Variants in CA12 observed in about 807,000 individuals in gnomAD.
CA12 encodes the protein carbonate dehydratase XII.
A neutral mutation model predicts 46.8 loss-of-function variants in CA12; 36 were observed. The observed-to-expected ratio is 0.77, with a 90% CI of 0.59 to 1.02. The LOEUF is 1.02. Ranked by LOEUF, CA12 falls within the 50% of genes least tolerant of loss-of-function variation. The pLI is 0.00. For missense variants in CA12, 436 were observed against 451.4 expected (o/e 0.97, Z 0.31); for synonymous variants, 202 against 187.0 (o/e 1.08, Z -0.65).
Position 63,327,179 on chromosome 15 carries a change from A to G in CA12, c.962T>C (p.Val321Ala), listed in dbSNP as rs571042409. The G allele has an allele frequency of 1.2e-6, 2 of 1,614,058 alleles. No individual in the cohort carries two copies. Among genetic ancestry groups the G allele is most frequent in the African/African-American group, 2.7e-5 (2 of 75,028 alleles). The change falls in exon 10 of 11, where the codon GTG becomes GCG. Residue 321 changes from valine to alanine, a missense_variant. Val to Ala is a moderately conservative substitution (Grantham distance 64). Coordinates refer to ENST00000178638, the MANE Select transcript of CA12 (RefSeq NM_001218.5). This position sits in a 1 kb window ranked among gnomAD's most constrained non-coding sequence, Gnocchi z 4.5. The part of the protein sequence containing the change: ...AGILGICIVV[V>A]VSIWLFRRKS... ...CCTTCTGAAAAGCCAAATGGACACCACCACCACAATACAGATGCCAAGAAT... is the reference window on the plus strand; with the variant it reads ...CCTTCTGAAAAGCCAAATGGACACCGCCACCACAATACAGATGCCAAGAAT...
Position 63,340,737 on chromosome 15 carries a change from T to G in CA12, c.572A>C (p.Gln191Pro). ...CCCCTCACCTTTGTACTTTACATGT[T>G]GAAGGTGACTGAAGATCTTGTCATA... ...PSYDKIFSHL[Q>P]HVKYKGQEAF... The change falls in exon 6 of 11, where the codon CAA (glutamine) becomes CCA (proline). Residue 191 changes from glutamine (Q) to proline (P), a missense_variant. Gln to Pro is a moderately conservative substitution (Grantham distance 76). Coordinates refer to ENST00000178638, the MANE Select transcript of CA12 (RefSeq NM_001218.5). This position sits in a 1 kb window ranked among gnomAD's most constrained non-coding sequence, Gnocchi z 4.4. 6.2e-7 allele frequency: 1 copy of G among 1,614,134 alleles called. No homozygotes were observed. Among genetic ancestry groups the G allele is most frequent in the Non-Finnish European group, 8.5e-7 (1 of 1,179,944 alleles).
Position 63,355,493 on chromosome 15 carries a change from C to A in CA12, c.107-8784G>T. 6.6e-6 allele frequency among the ~76,000 whole-genome samples: 1 copy of A among 152,178 alleles called. No homozygotes were observed. The highest frequency in any genetic ancestry group is 6.5e-5 in the Admixed American group (1 of 15,286). Reference sequence around the variant, plus strand: ...ACCGAACCGGACACTCTGGGGGTGGCGCCCAGCATCTGCCGTTGGACAAGG... The same window carrying A: ...ACCGAACCGGACACTCTGGGGGTGGAGCCCAGCATCTGCCGTTGGACAAGG... On this transcript the variant is annotated intron_variant, in intron 2 of 10. Transcript: ENST00000178638. This position sits in a 1 kb window ranked among gnomAD's most constrained non-coding sequence, Gnocchi z 4.1.
At chr15:63,332,953 C>T (rs1165952181) in intron 8 of CA12, among the ~76,000 whole-genome samples, 3 of 152,186 alleles carry the variant, frequency 2.0e-5, no homozygotes, top group South Asian at 2.1e-4. Flanking sequence ...ACGTATTGTT[C>T]TTTTTCTATT....
chr15:63,351,311 G>A (rs2039227849), intron 2 of CA12, among the ~76,000 whole-genome samples: 1 of 152,182 alleles, frequency 6.6e-6, no homozygotes, highest in African/African-American at 2.4e-5. Context: ...GCTTCCCACA[G>A]GCAACCAGCC....
rs1183658401 is a variant in CA12, at chr15:63,374,830, C to T, written c.106+828G>A. On this transcript the variant is annotated intron_variant, in intron 2 of 10. Transcript: ENST00000178638. The surrounding 1 kb of genome is among the most constrained non-coding windows in gnomAD (Gnocchi z 4.4). ...ACAACCCTGCTTGCTTAAAATGCCT[C>T]CTGTGCCAGTGAGTCAGTTCCACCC... Among the ~76,000 whole-genome samples the T allele has an allele frequency of 2.6e-5, 4 of 152,214 alleles. No individual in the cohort carries two copies. The highest frequency in any genetic ancestry group is 2.1e-4 in the South Asian group (1 of 4,830).
In CA12 at chr15:63,330,616, G is replaced by A. The variant is rs538884582; in HGVS notation, c.875-2486C>T. On this transcript the variant is annotated intron_variant, in intron 8 of 10. Transcript: ENST00000178638. The surrounding 1 kb of genome is among the most constrained non-coding windows in gnomAD (Gnocchi z 4.0). ...CACTGAGCAGCCCAGTCTGTGGCTG[G>A]TGGGGGTACCCTTCATGCCTGGTCT... is the stretch of plus-strand genomic sequence containing the variant. 2.6e-5 allele frequency among the ~76,000 whole-genome samples: 4 copies of A among 152,342 alleles called. No individual in the cohort carries two copies. Among genetic ancestry groups the A allele is most frequent in the African/African-American group, 7.2e-5 (3 of 41,580 alleles).
chr15:63,369,771 G>A (rs56239097), intron 2 of CA12, among the ~76,000 whole-genome samples: 59,028 of 152,032 alleles, frequency 0.39, 13,639 homozygotes, highest in Non-Finnish European at 0.53. Flanking sequence ...CATGGAGGTC[G>A]CCTGGTTCTG....
At chr15:63,342,409 A>T (rs1280399817) in intron 4 of CA12, among the ~76,000 whole-genome samples, 10 of 152,192 alleles carry the variant, frequency 6.6e-5, no homozygotes, top group Admixed American at 6.5e-4. Flanking sequence ...GGTAGATTTA[A>T]CTTTTTTCTG....
chr15:63,349,919 TC>T (rs1192190997), intron 2 of CA12, among the ~76,000 whole-genome samples: 1 of 152,038 alleles, frequency 6.6e-6, no homozygotes, highest in Non-Finnish European at 1.5e-5. Flanking sequence ...CCACCTTAAT[TC>T]CCTCATGTAT....
intron 2 of CA12, among the ~76,000 whole-genome samples, chr15:63,370,442 CAAA>C (rs58832010): frequency 1.5e-4 from 12 of 79,084 alleles, no homozygotes; most frequent in Non-Finnish European, 2.2e-4. Context: ...AGCCCTGTCT[CAAA>C]AAAAAAAAAA....
Position 63,324,275 on chromosome 15 carries a change from A to G in CA12, c.*2010T>C, listed in dbSNP as rs2038836495. 6.6e-6 allele frequency: 1 copy of G among 152,280 alleles called. No homozygotes were observed. Among genetic ancestry groups the G allele is most frequent in the Non-Finnish European group, 1.5e-5 (1 of 68,116 alleles). The allele number at this position is 152,280 out of a possible 1,614,324, so 9.4% of individuals were successfully genotyped here. On this transcript the variant is annotated 3_prime_UTR_variant, in exon 11 of 11. Transcript: ENST00000178638. ...CACCTCCCAGTAAGTCTCCCTTTTC[A>G]TGAACAGCCCTTGTGCCAGGTACAA...
Position 63,374,728 on chromosome 15 carries a change from G to A in CA12, c.106+930C>T, listed in dbSNP as rs776907563. The stretch of plus-strand genomic sequence containing the variant: ...ATTGGTGTCAGATCTTTCTCTGGAC[G>A]GTGCTTCCACTGTAGTAATCAACTT... On this transcript the variant is annotated intron_variant, in intron 2 of 10. Transcript: ENST00000178638. This position sits in a 1 kb window ranked among gnomAD's most constrained non-coding sequence, Gnocchi z 4.4. Among the ~76,000 whole-genome samples, 9 of 152,122 alleles carry A rather than the reference G, an allele frequency of 5.9e-5. No homozygotes were observed. Among genetic ancestry groups the A allele is most frequent in the Non-Finnish European group, 1.0e-4 (7 of 68,028 alleles).
chr15:63,343,407 G>A (rs1479330681), intron 4 of CA12, among the ~76,000 whole-genome samples: 7 of 148,796 alleles, frequency 4.7e-5, no homozygotes, highest in East Asian at 4.0e-4. Flanking sequence ...TCAGCCTCCC[G>A]AGTAGCTAGG....
At chr15:63,359,725 G>T (rs891157563) in intron 2 of CA12, among the ~76,000 whole-genome samples, 1 of 151,970 alleles carries the variant, frequency 6.6e-6, no homozygotes, top group African/African-American at 2.4e-5. Flanking sequence ...TTGAATCCTG[G>T]ATCAGAAAAA....
intron 8 of CA12, among the ~76,000 whole-genome samples, chr15:63,336,048 G>A (rs559651034): frequency 6.6e-6 from 1 of 152,288 alleles, no homozygotes; most frequent in South Asian, 2.1e-4. Context: ...GGTTTTCCTT[G>A]GACTGCCACA....
At chr15:63,381,539 C>T (rs2039645017) in intron 1 of CA12, 97 bp downstream of exon 1, 2 of 1,004,858 alleles carry the variant, frequency 2.0e-6, no homozygotes, top group Non-Finnish European at 3.1e-6. Context: ...TTCCCTGCTC[C>T]CCGCAGCAAT....
intron 2 of CA12, among the ~76,000 whole-genome samples, chr15:63,371,264 C>T (rs181963156): frequency 9.2e-5 from 14 of 152,260 alleles, no homozygotes; most frequent in African/African-American, 3.1e-4. Context: ...GAGGTTTGCC[C>T]CAGTGGAGGA....
intron 2 of CA12, among the ~76,000 whole-genome samples, chr15:63,352,258 T>C (rs1033576604): frequency 6.6e-6 from 1 of 152,224 alleles, no homozygotes. Context: ...GGTTTCGCCA[T>C]GTTGGCCAGG....
intron 2 of CA12, among the ~76,000 whole-genome samples, chr15:63,356,258 T>G (rs1274085123): frequency 6.6e-6 from 1 of 152,128 alleles, no homozygotes; most frequent in Admixed American, 6.6e-5. Context: ...CTGGGCATGG[T>G]GGCATACGCC....
Sources: gnomAD v4.1 joint callset for allele counts (sites outside exome capture counted in the v4.1 genomes callset) on GRCh38, gnomAD v4.1.1 for gene constraint, Gnocchi (gnomAD v3.1) non-coding constraint, MANE v1.5 for transcripts, NCBI Gene and HGNC (gene_info 2026-07-23, HGNC 2026-07-21) for gene names.